Variants in DUOX2 observed in about 807,000 individuals in gnomAD.
The protein encoded by DUOX2 is NADH/NADPH thyroid oxidase p138-tox.
In DUOX2, 185 loss-of-function variants were observed where a neutral mutation model predicts 183.3. The ratio of observed to expected loss-of-function variants is 1.01; its 90% CI spans 0.90 to 1.14. The LOEUF (loss-of-function observed/expected upper bound fraction) is 1.14, where lower values mean the gene tolerates loss of function less well. Among genes scored for constraint, DUOX2 ranks in the 50% most tolerant of loss-of-function variants. The pLI, the probability that DUOX2 is intolerant of heterozygous loss-of-function variation, is 0.00. For synonymous variants in DUOX2, 788 were observed against 812.4 expected, an observed-to-expected ratio of 0.97 and a Z score of 0.51; for missense variants, 1,999 against 2,022.9, an observed-to-expected ratio of 0.99 and a Z score of 0.23.
rs184353708 is a variant in DUOX2, at chr15:45,096,152, G to A, written c.3848-92C>T. ...GCACCTGTCCTCTTCACACCCCTGA[G>A]GCCTGGGGAGTAGTCACATGGTCTG... On this transcript the variant is annotated intron_variant, in intron 29 of 33. Coordinates refer to ENST00000389039, the MANE Select transcript of DUOX2 (RefSeq NM_001363711.2). 9.0e-4 allele frequency: 979 copies of A among 1,092,796 alleles called. 4 individuals carry two copies. The highest frequency in any genetic ancestry group is 1.2e-3 in the Non-Finnish European group (884 of 719,472). 67.7% of individuals were successfully genotyped at this position (1,092,796 alleles called of 1,614,324 possible).
rs368379567 is a variant in DUOX2, at chr15:45,107,392, T to C, written c.1646A>G (p.Asn549Ser). 11 of 1,614,108 alleles carry C rather than the reference T, an allele frequency of 6.8e-6. No individual in the cohort carries two copies. The African/African-American group carries it at 9.3e-5, about 14-fold the overall frequency. ...TLRDVLVAVI[N>S]IDPSALQPNV... ...GGGCTGCAGGGCACTGGGGTCAATGTTGATAACAGCGACCAGCACGTCCCG... is the reference window on the plus strand; with the variant it reads ...GGGCTGCAGGGCACTGGGGTCAATGCTGATAACAGCGACCAGCACGTCCCG... Residue 549 changes from asparagine (N) to serine (S), a missense_variant, in exon 14 of 34, where the codon AAC becomes AGC. By Grantham distance (46) the Asn-to-Ser change is conservative. Around this residue, in one of 3 missense-constraint regions of DUOX2, gnomAD observed 1,628 missense variants for 1,608.6 expected, o/e 1.01. Coordinates refer to ENST00000389039, the MANE Select transcript of DUOX2 (RefSeq NM_001363711.2).
rs139584933 is a variant in DUOX2 at position 45,095,520 on chromosome 15, C to T, written c.4156G>A (p.Gly1386Ser). The change falls in exon 31 of 34, where the codon GGC (glycine) becomes AGC (serine). Residue 1386 changes from glycine (G) to serine (S), a missense_variant. By Grantham distance (56) the Gly-to-Ser change is moderately conservative. Around this residue, in one of 3 missense-constraint regions of DUOX2, gnomAD observed 1,628 missense variants for 1,608.6 expected, o/e 1.01. Transcript: ENST00000389039. ...GAGGCAAAGGGGGTGACCCCAATGC[C>T]CCCTCCCACCAACACTGACACCTCA... ...KFEVSVLVGG[G>S]IGVTPFASIL... 46 of 1,614,182 alleles carry T rather than the reference C, an allele frequency of 2.8e-5. No homozygotes were observed. The highest frequency in any genetic ancestry group is 3.7e-5 in the Non-Finnish European group (44 of 1,180,034).
chr15:45,095,393 CG>C (rs770052173), intron 31 of DUOX2, 43 bp downstream of exon 31: 8 of 1,612,764 alleles, frequency 5.0e-6, no homozygotes, highest in Non-Finnish European at 6.8e-6. Context: ...GGTCACAATT[CG>C]GCCACCTATG....
rs1209769448 is a variant in DUOX2 at position 45,111,975 on chromosome 15, A to G, written c.326-20T>C. Reference sequence around the variant, plus strand: ...GGTAGCCTGCGGGCATGGGGCGCCAATACGTGACAAACCGTCCGTATTGCG... The same window carrying G: ...GGTAGCCTGCGGGCATGGGGCGCCAGTACGTGACAAACCGTCCGTATTGCG... On this transcript the variant is annotated intron_variant, in intron 4 of 33. Coordinates refer to ENST00000389039, the MANE Select transcript of DUOX2 (RefSeq NM_001363711.2). 1 of 1,612,314 alleles carries G rather than the reference A, an allele frequency of 6.2e-7. No homozygotes were observed. Among genetic ancestry groups the G allele is most frequent in the Admixed American group, 1.7e-5 (1 of 59,886 alleles).
Position 45,101,957 on chromosome 15 carries a change from G to A in DUOX2, c.2687C>T (p.Ser896Phe). 6.2e-7 allele frequency: 1 copy of A among 1,614,228 alleles called. No homozygotes were observed. The highest frequency in any genetic ancestry group is 8.5e-7 in the Non-Finnish European group (1 of 1,180,050). Residue 896 changes from serine (S) to phenylalanine (F), a missense_variant, in exon 21 of 34, where the codon TCC becomes TTC. By Grantham distance (155) the Ser-to-Phe change is radical (BLOSUM62 -2). This residue lies in a region of DUOX2 where 1,628 missense variants were observed against 1,608.6 expected (regional missense o/e 1.01). Transcript: ENST00000389039. ...SFIEISNNCL[S>F]KAQLAEVVES... is the part of the protein sequence containing the mutation. Reference sequence around the variant, plus strand: ...CACCACCTCGGCCAGCTGGGCCTTGGACAGGCAGTTGTTGGAGATCTCGAT... The same window carrying A: ...CACCACCTCGGCCAGCTGGGCCTTGAACAGGCAGTTGTTGGAGATCTCGAT...
At chr15:45,110,793 T>A in intron 7 of DUOX2, 83 bp from the exon 8 acceptor site, 2 of 1,601,738 alleles carry the variant, frequency 1.2e-6, no homozygotes, top group Non-Finnish European at 1.7e-6. Context: ...ACGGCTTCCG[T>A]GTGGAGATGA....
At position 45,113,435 on chromosome 15, in the gene DUOX2, G is replaced by A. The variant is rs923382999; in HGVS notation, c.-14-10C>T. On this transcript the variant is annotated splice_polypyrimidine_tract_variant and intron_variant, in intron 1 of 33. Coordinates refer to ENST00000389039, the MANE Select transcript of DUOX2 (RefSeq NM_001363711.2). ...ATGCCAACCCTGCAGCCTGCGGGGTGAGGGTGGGGGTGGTAGGTGGTATGC... is the reference window on the plus strand; with the variant it reads ...ATGCCAACCCTGCAGCCTGCGGGGTAAGGGTGGGGGTGGTAGGTGGTATGC... 2.6e-6 allele frequency: 4 copies of A among 1,551,140 alleles called. No homozygotes were observed. The highest frequency in any genetic ancestry group is 2.6e-6 in the Non-Finnish European group (3 of 1,146,616).
In DUOX2 at chr15:45,099,845, C is replaced by CGAGGGTGG; in HGVS notation, c.3224_3231dup (p.Val1078ProfsTer32). 1 of 1,614,182 alleles carries CGAGGGTGG rather than the reference C, an allele frequency of 6.2e-7. No individual in the cohort carries two copies. The highest frequency in any genetic ancestry group is 1.1e-5 in the South Asian group (1 of 91,076). On this transcript the variant is annotated frameshift_variant, in exon 25 of 34. Coordinates refer to ENST00000389039, the MANE Select transcript of DUOX2 (RefSeq NM_001363711.2). LOFTEE classifies it high-confidence loss of function. The stretch of plus-strand genomic sequence containing the variant: ...GTGCCTCGTGACAGGATGATGCCCA[C>CGAGGGTGG]GAGGGTGGTCTGTGCAATGTCCGAG...
Position 45,094,709 on chromosome 15 carries a change from G to A in DUOX2, c.4396-18C>T, listed in dbSNP as rs1893856458. The A allele has an allele frequency of 6.2e-7, 1 of 1,613,606 alleles. No homozygotes were observed. The highest frequency in any genetic ancestry group is 8.5e-7 in the Non-Finnish European group (1 of 1,179,842). ...CAGATGTACTGGGGGCACAGGGGCA[G>A]GTCAGACCAAAGACAGTCAGGGCCA... is the stretch of plus-strand genomic sequence containing the variant. On this transcript the variant is annotated intron_variant, in intron 32 of 33. Transcript: ENST00000389039.
At chr15:45,111,612 G>C in intron 5 of DUOX2, 27 bp from the exon 6 acceptor site, 1 of 1,508,368 alleles carries the variant, frequency 6.6e-7, no homozygotes. Context: ...GGGTGAGCCC[G>C]GGTCGAGAGG....
At chr15:45,094,493 G>T (rs376670051) in intron 33 of DUOX2, 70 bp downstream of exon 33, 1 of 1,564,610 alleles carries the variant, frequency 6.4e-7, no homozygotes, top group African/African-American at 1.4e-5. Context: ...AGAGTGGCAG[G>T]GTGCTTCAGG....
rs1487540823 is a variant in DUOX2, at chr15:45,092,879, A to G, written c.*1271T>C. 2 of 152,226 alleles carry G rather than the reference A, an allele frequency of 1.3e-5. No homozygotes were observed. The highest frequency in any genetic ancestry group is 6.5e-5 in the Admixed American group (1 of 15,290). The allele number at this position is 152,226 out of a possible 1,614,324, so 9.4% of individuals were successfully genotyped here. A position where few individuals can be genotyped will look rare whatever the true frequency, so the allele number is the denominator to read the frequency against. On this transcript the variant is annotated 3_prime_UTR_variant, in exon 34 of 34. Coordinates refer to ENST00000389039, the MANE Select transcript of DUOX2 (RefSeq NM_001363711.2). ...TCAAAAGAGTATATTTAGTAGGACC[A>G]AAACTGGATTTGGTAGAAATCACAT...
chr15:45,110,113 A>T (rs1414883100), intron 9 of DUOX2, 133 bp from the exon 10 acceptor site: 3 of 852,342 alleles, frequency 3.5e-6, no homozygotes, highest in Non-Finnish European at 6.0e-6. Flanking sequence ...AACACGGCAG[A>T]GATTTGGTGA....
chr15:45,112,467 C>T lies in DUOX2; in HGVS notation c.325+87G>A, dbSNP rs1296149060. ...AGTGGTTGGGAGTCGGATGGGTCTC[C>T]TGTGGACTCGCAGACGGGATCTGGC... On this transcript the variant is annotated intron_variant, in intron 4 of 33. Coordinates refer to ENST00000389039, the MANE Select transcript of DUOX2 (RefSeq NM_001363711.2). 6 of 1,551,278 alleles carry T rather than the reference C, an allele frequency of 3.9e-6. No homozygotes were observed. The Admixed American group carries it at 8.7e-5, about 22-fold the overall frequency.
In DUOX2 at chr15:45,099,420, G is replaced by A; in HGVS notation, c.3478C>T (p.Leu1160=). 1 of 1,614,092 alleles carries A rather than the reference G, an allele frequency of 6.2e-7. No individual in the cohort carries two copies. Among genetic ancestry groups the A allele is most frequent in the South Asian group, 1.1e-5 (1 of 91,076 alleles). The change falls in exon 26 of 34, where the codon CTG becomes TTG. Residue 1160 remains leucine, a synonymous_variant. Coordinates refer to ENST00000389039, the MANE Select transcript of DUOX2 (RefSeq NM_001363711.2). ...AAGACGTTGGGGAATATGCAGGCCA[G>A]CAGGCTGAGTGGGCTGACTGAGAAG... ...YIFSVSPLSL[L]ACIFPNVFVN...
At chr15:45,109,721 G>A (rs1595527355) in intron 10 of DUOX2, 95 bp from the exon 11 acceptor site, 3 of 1,399,344 alleles carry the variant, frequency 2.1e-6, no homozygotes, top group African/African-American at 1.4e-5. Context: ...AAGGGCCCTT[G>A]GCCAGTCCCA....
rs779423543 is a variant in DUOX2 at position 45,101,774 on chromosome 15, C to A, written c.2851+19G>T. ...ACACGCCCCCCCTCCCTGACGCCAA[C>A]CATTCCTCACACACTCACCATTTCC... On this transcript the variant is annotated intron_variant, in intron 21 of 33. Coordinates refer to ENST00000389039, the MANE Select transcript of DUOX2 (RefSeq NM_001363711.2). The A allele has an allele frequency of 6.2e-6, 10 of 1,614,116 alleles. No homozygotes were observed. Among genetic ancestry groups the A allele is most frequent in the Non-Finnish European group, 3.4e-6 (4 of 1,180,042 alleles).
chr15:45,112,757 A>T (rs368943536), intron 3 of DUOX2, 39 bp from the exon 4 acceptor site: 91 of 1,607,000 alleles, frequency 5.7e-5, no homozygotes, highest in Non-Finnish European at 7.6e-5. Flanking sequence ...TAAGCACTCC[A>T]TCCCCTAGGA....
intron 12 of DUOX2, 26 bp downstream of exon 12, chr15:45,108,763 C>T: frequency 1.9e-6 from 3 of 1,613,174 alleles, no homozygotes; most frequent in Non-Finnish European, 2.5e-6. Context: ...GCTTTAGCTG[C>T]CATTATTATC....
Sources: gnomAD v4.1 joint callset for allele counts on GRCh38, gnomAD v4.1.1 for gene constraint, gnomAD v4.1.1 regional missense constraint, MANE v1.5 for transcripts, NCBI Gene and HGNC (gene_info 2026-07-23, HGNC 2026-07-21) for gene names.